Variants in DST observed in about 807,000 individuals in gnomAD.
DST encodes bullous pemphigoid antigen.
A neutral mutation model predicts 875.2 loss-of-function variants in DST; 253 were observed. The observed-to-expected ratio is 0.29, with a 90% CI of 0.26 to 0.32. DST has a LOEUF of 0.32. Ranked by LOEUF, DST falls within the 10% of genes least tolerant of loss-of-function variation. The pLI is 1.00. For missense variants in DST, 8,287 were observed against 9,111.6 expected (o/e 0.91, Z 3.68); for synonymous variants, 3,124 against 3,197.1 (o/e 0.98, Z 0.77).
chr6:56,777,489 C>T (rs986699435), intron 4 of DST, among the ~76,000 whole-genome samples: 2 of 152,032 alleles, frequency 1.3e-5, no homozygotes, highest in African/African-American at 4.8e-5. Context: ...CCCTGTAAAA[C>T]TTACAGCATG....
intron 4 of DST, among the ~76,000 whole-genome samples, chr6:56,844,897 G>A (rs1223504682): frequency 6.6e-6 from 1 of 151,328 alleles, no homozygotes; most frequent in Admixed American, 6.6e-5. Context: ...AGTGAAGTCA[G>A]GCTGCTGTAC....
intron 98 of DST, 156 bp from the exon 99 acceptor site, chr6:56,466,351 T>G: frequency 2.2e-6 from 1 of 457,504 alleles, no homozygotes. Flanking sequence ...TGTAATGATT[T>G]GTGTTAGACG....
intron 4 of DST, 36 bp from the exon 5 acceptor site, chr6:56,735,325 T>TA (rs2099518885): frequency 3.2e-6 from 4 of 1,234,032 alleles, no homozygotes; most frequent in Non-Finnish European, 4.6e-6. Context: ...ATAAGGTTGG[T>TA]AAAATCTATG....
chr6:56,771,146 T>C (rs1269871773), intron 4 of DST, among the ~76,000 whole-genome samples: 2 of 151,872 alleles, frequency 1.3e-5, no homozygotes, highest in Non-Finnish European at 2.9e-5. Flanking sequence ...CCCAAAATAA[T>C]TTATCTTAAA....
intron 49 of DST, among the ~76,000 whole-genome samples, chr6:56,580,962 T>A (rs1208152207): frequency 6.7e-6 from 1 of 148,764 alleles, no homozygotes; most frequent in Non-Finnish European, 1.5e-5. Context: ...CTCAAACTCC[T>A]GGGCTCAAGC....
intron 3 of DST, among the ~76,000 whole-genome samples, chr6:56,880,214 GATTC>G (rs1332767331): frequency 1.4e-4 from 22 of 152,264 alleles, no homozygotes; most frequent in African/African-American, 4.1e-4. Flanking sequence ...ATAGTCTAGA[GATTC>G]ATTATTAAAA....
chr6:56,673,625 T>C (rs1204945336), intron 9 of DST, among the ~76,000 whole-genome samples: 1 of 152,246 alleles, frequency 6.6e-6, no homozygotes, highest in Non-Finnish European at 1.5e-5. Context: ...TAATGTATTC[T>C]TGTTAAATAA....
rs1205337518 is a variant in DST at position 56,529,565 on chromosome 6, A to C, written c.17478T>G (p.Phe5826Leu). The change falls in exon 66 of 104, where the codon TTT (phenylalanine) becomes TTG (leucine). Residue 5826 changes from phenylalanine to leucine, a missense_variant. Transcript: ENST00000680361. ...LQQALCNAKI[F>L]GEDEVELMNW... is the part of the protein sequence containing the mutation. The stretch of plus-strand genomic sequence containing the variant: ...TCATCAGTTCAACTTCATCTTCCCC[A>C]AAAATCTTAGCATTACATAAGGCCT... 6.2e-7 allele frequency: 1 copy of C among 1,613,714 alleles called. No individual in the cohort carries two copies. Among genetic ancestry groups the C allele is most frequent in the Non-Finnish European group, 8.5e-7 (1 of 1,179,742 alleles).
chr6:56,834,837 G>A (rs1380619088), intron 4 of DST, among the ~76,000 whole-genome samples: 1 of 152,100 alleles, frequency 6.6e-6, no homozygotes, highest in Non-Finnish European at 1.5e-5. Flanking sequence ...ATACAATCTA[G>A]CAATCATACT....
chr6:56,712,083 T>A (rs1029904959), intron 5 of DST, among the ~76,000 whole-genome samples: 1 of 100,310 alleles, frequency 1.0e-5, no homozygotes, highest in South Asian at 2.4e-4. Flanking sequence ...AGAGCGAGAC[T>A]CCGTCTCAAA....
In DST at chr6:56,634,152, G is replaced by A; in HGVS notation, c.3601C>T (p.Arg1201Ter). ...HYLINEIDRI[R>*]ASNVASIKTM... ...CTTACTGAAGCCACATTGCTAGCTCGAATTCTATCAATTTCATTGATGAGA... is the reference window on the plus strand; with the variant it reads ...CTTACTGAAGCCACATTGCTAGCTCAAATTCTATCAATTTCATTGATGAGA... The change falls in exon 27 of 104, where the codon CGA (arginine) becomes TGA (stop). Residue 1201 changes from arginine to a stop codon, truncating the protein, a stop_gained. Coordinates refer to ENST00000680361, the MANE Select transcript of DST (RefSeq NM_001374736.1). LOFTEE classifies it high-confidence loss of function. The A allele has an allele frequency of 6.2e-7, 1 of 1,613,154 alleles. No homozygotes were observed. The highest frequency in any genetic ancestry group is 8.5e-7 in the Non-Finnish European group (1 of 1,179,984).
chr6:56,757,151 G>T (rs2099606132), intron 4 of DST, among the ~76,000 whole-genome samples: 1 of 152,158 alleles, frequency 6.6e-6, no homozygotes, highest in Admixed American at 6.5e-5. Context: ...AAACAACTGA[G>T]AAACAGTGAC....
chr6:56,687,144 G>T (rs776791605), intron 9 of DST, among the ~76,000 whole-genome samples: 14 of 152,162 alleles, frequency 9.2e-5, no homozygotes, highest in Non-Finnish European at 2.1e-4. Context: ...ATGTTCTTCT[G>T]TGCAGAACAC....
chr6:56,933,918 A>G (rs1243645776), intron 2 of DST, among the ~76,000 whole-genome samples: 1 of 152,154 alleles, frequency 6.6e-6, no homozygotes, highest in Admixed American at 6.5e-5. Context: ...CTGAAACCCA[A>G]AGCCAAGGAA....
chr6:56,843,997 A>C (rs1231827563), intron 4 of DST: 2 of 152,364 alleles, frequency 1.3e-5, no homozygotes, highest in African/African-American at 4.8e-5. Flanking sequence ...CAGGTGCCTG[A>C]GAAACAAAGC....
At chr6:56,519,569 C>T (rs1287133263) in intron 69 of DST, among the ~76,000 whole-genome samples, 2 of 152,092 alleles carry the variant, frequency 1.3e-5, no homozygotes, top group South Asian at 2.1e-4. Context: ...TCAGAGAAGG[C>T]CTAGTGGAGA....
At position 56,604,843 on chromosome 6, in the gene DST, T is replaced by C. The variant is rs774912283; in HGVS notation, c.9785A>G (p.Gln3262Arg). 5 of 1,612,670 alleles carry C rather than the reference T, an allele frequency of 3.1e-6. No homozygotes were observed. Among genetic ancestry groups the C allele is most frequent in the Non-Finnish European group, 3.4e-6 (4 of 1,179,314 alleles). Reference sequence around the variant, plus strand: ...GGCTTCAATACTTTCTGGTGTGAACTGAGAAATTTCTGTTCCTCCTCCTGA... The same window carrying C: ...GGCTTCAATACTTTCTGGTGTGAACCGAGAAATTTCTGTTCCTCCTCCTGA... Reference protein sequence around the residue: ...SISGGGTEISQFTPESIEATL... With the variant: ...SISGGGTEISRFTPESIEATL... The change falls in exon 40 of 104, where the codon CAG becomes CGG. Residue 3262 changes from glutamine to arginine, a missense_variant. Gln to Arg is a conservative substitution (Grantham distance 43, BLOSUM62 1). Around this residue, in one of 10 missense-constraint regions of DST, gnomAD observed 3,138 missense variants for 3,116.6 expected, o/e 1.01. Coordinates refer to ENST00000680361, the MANE Select transcript of DST (RefSeq NM_001374736.1).
intron 4 of DST, among the ~76,000 whole-genome samples, chr6:56,749,426 C>T (rs1192549266): frequency 6.6e-6 from 1 of 152,154 alleles, no homozygotes; most frequent in East Asian, 1.9e-4. Flanking sequence ...CAGTGGAATG[C>T]TCTAATTCCG....
Position 56,851,570 on chromosome 6 carries a change from G to T in DST, c.452C>A (p.Ser151Tyr). Residue 151 changes from serine (S) to tyrosine (Y), a missense_variant, in exon 4 of 104, where the codon TCT (serine) becomes TAT (tyrosine). Physicochemically the swap from Ser to Tyr is moderately radical, Grantham distance 144 (BLOSUM62 -2). Transcript: ENST00000680361. ...SGNASYRCSM[S>Y]SSADFSDEDD... The stretch of plus-strand genomic sequence containing the variant: ...CTCATCGGAAAAATCCGCAGAGGAA[G>T]ACATAGAGCAGCGATAGGACGCGTT... 1 of 1,614,024 alleles carries T rather than the reference G, an allele frequency of 6.2e-7. No individual in the cohort carries two copies. Among genetic ancestry groups the T allele is most frequent in the Non-Finnish European group, 8.5e-7 (1 of 1,179,894 alleles).
Sources: gnomAD v4.1 joint callset for allele counts (sites outside exome capture counted in the v4.1 genomes callset) on GRCh38, gnomAD v4.1.1 for gene constraint, gnomAD v4.1.1 regional missense constraint, MANE v1.5 for transcripts, NCBI Gene and HGNC (gene_info 2026-07-23, HGNC 2026-07-21) for gene names.